DAPK1: variants seen among roughly 807,000 people sequenced by gnomAD.
DAPK1 encodes the protein death-associated protein kinase 1.
Under a neutral mutation model 144.9 loss-of-function variants are expected in DAPK1, and 56 were observed. The ratio of observed to expected loss-of-function variants is 0.39; its 90% CI spans 0.31 to 0.48. The LOEUF (loss-of-function observed/expected upper bound fraction) is 0.48. DAPK1 is among the 20% of genes least tolerant of loss of function. DAPK1 has a pLI of 0.95. For synonymous variants in DAPK1, 690 were observed against 749.0 expected (o/e 0.92, Z 1.29); for missense variants, 1,454 against 1,875.4 (o/e 0.78, Z 4.15).
At chr9:87,626,130 C>T (rs575451863) in intron 3 of DAPK1, among the ~76,000 whole-genome samples, 6 of 152,282 alleles carry the variant, frequency 3.9e-5, no homozygotes, top group African/African-American at 1.4e-4. Flanking sequence ...TAATACCAAG[C>T]AAGGGCCATT....
chr9:87,564,589 A>C, intron 2 of DAPK1, among the ~76,000 whole-genome samples: 1 of 90,692 alleles, frequency 1.1e-5, no homozygotes, highest in East Asian at 3.3e-4. Flanking sequence ...GGAGGGAGGG[A>C]GGGGGAGAGA....
In DAPK1 at chr9:87,640,975, A is replaced by C. The variant is rs971528195; in HGVS notation, c.828+128A>C. 19 of 908,300 alleles carry C rather than the reference A, an allele frequency of 2.1e-5. No individual in the cohort carries two copies. In the East Asian group the frequency reaches 4.6e-4, roughly 22 times the overall value. The allele number at this position is 908,300 out of a possible 1,614,324, so 56.3% of individuals were successfully genotyped here. A position where few individuals can be genotyped will look rare whatever the true frequency, so the allele number is the denominator to read the frequency against. On this transcript the variant is annotated intron_variant, in intron 9 of 25. Coordinates refer to ENST00000408954, the MANE Select transcript of DAPK1 (RefSeq NM_004938.4). ...CTGGAGTGTTAAGTTTGCTATTTGC[A>C]TCGTATCTTAAGAAAAGCTGACAGG... is the stretch of plus-strand genomic sequence containing the variant.
At chr9:87,540,901 C>T (rs1246047463) in intron 2 of DAPK1, among the ~76,000 whole-genome samples, 1 of 152,104 alleles carries the variant, frequency 6.6e-6, no homozygotes, top group Non-Finnish European at 1.5e-5. Context: ...TTCTCTTTCC[C>T]CGAGTTCATC....
intron 25 of DAPK1, among the ~76,000 whole-genome samples, chr9:87,704,872 T>C (rs1412182333): frequency 1.3e-5 from 2 of 152,234 alleles, no homozygotes; most frequent in African/African-American, 4.8e-5. Flanking sequence ...TCCAGGGCGA[T>C]GGCCACTCTC....
At chr9:87,592,888 G>A (rs1463212639) in intron 2 of DAPK1, among the ~76,000 whole-genome samples, 5 of 152,082 alleles carry the variant, frequency 3.3e-5, no homozygotes, top group East Asian at 1.9e-4. Flanking sequence ...GTGACCCTGC[G>A]GTCCCCTCCC....
intron 2 of DAPK1, among the ~76,000 whole-genome samples, chr9:87,511,077 C>A (rs1824822017): frequency 1.3e-5 from 2 of 152,164 alleles, no homozygotes; most frequent in African/African-American, 4.8e-5. Context: ...CTCCCACAGG[C>A]AGAGTGCGGG....
chr9:87,517,278 A>AC (rs1825099003), intron 2 of DAPK1, among the ~76,000 whole-genome samples: 1 of 149,132 alleles, frequency 6.7e-6, no homozygotes, highest in Non-Finnish European at 1.5e-5. Context: ...TATCTGCAGA[A>AC]CCCATCTGCT....
chr9:87,542,573 T>C (rs1826093852), intron 2 of DAPK1, among the ~76,000 whole-genome samples: 1 of 152,110 alleles, frequency 6.6e-6, no homozygotes. Flanking sequence ...GTAAGAGAAA[T>C]CAGTATTTAC....
chr9:87,632,925 TGAA>T, intron 3 of DAPK1: 1 of 861,152 alleles, frequency 1.2e-6, no homozygotes, highest in Non-Finnish European at 1.4e-6. Flanking sequence ...TATATATAAA[TGAA>T]GGGTGATCAG....
chr9:87,581,138 C>A (rs1827741215), intron 2 of DAPK1, among the ~76,000 whole-genome samples: 1 of 152,196 alleles, frequency 6.6e-6, no homozygotes, highest in Non-Finnish European at 1.5e-5. Flanking sequence ...GTTGCACACT[C>A]TTTCCCTAGC....
At chr9:87,678,027 G>A (rs564183270) in intron 19 of DAPK1, among the ~76,000 whole-genome samples, 1 of 152,266 alleles carries the variant, frequency 6.6e-6, no homozygotes, top group African/African-American at 2.4e-5. Context: ...AATCAGTCAG[G>A]GACATTGCTA....
At chr9:87,693,068 T>C (rs939825509) in intron 21 of DAPK1, among the ~76,000 whole-genome samples, 1 of 149,700 alleles carries the variant, frequency 6.7e-6, no homozygotes, top group Non-Finnish European at 1.5e-5. Flanking sequence ...CTTTTTTCGA[T>C]TGTATCTGTT....
At chr9:87,524,827 G>A (rs1825429937) in intron 2 of DAPK1, among the ~76,000 whole-genome samples, 1 of 152,284 alleles carries the variant, frequency 6.6e-6, no homozygotes, top group Middle Eastern at 3.4e-3. Flanking sequence ...CTCATAAGAG[G>A]GAGCTAAGCT....
intron 3 of DAPK1, chr9:87,632,839 G>C: frequency 9.3e-6 from 9 of 972,586 alleles, no homozygotes; most frequent in Non-Finnish European, 1.1e-5. Flanking sequence ...TAGGTATGAA[G>C]GATGATGAGT....
At chr9:87,685,555 C>T (rs575839388) in intron 20 of DAPK1, among the ~76,000 whole-genome samples, 1 of 152,272 alleles carries the variant, frequency 6.6e-6, no homozygotes, top group South Asian at 2.1e-4. Context: ...GGGTCACAGC[C>T]CTGACCAGAA....
chr9:87,604,516 G>A (rs1639281808), intron 2 of DAPK1, among the ~76,000 whole-genome samples: 1 of 152,166 alleles, frequency 6.6e-6, no homozygotes, highest in South Asian at 2.1e-4. Flanking sequence ...ATTGGTGCTA[G>A]AAATATGTTG....
chr9:87,598,833 G>A (rs1195441616), intron 2 of DAPK1, among the ~76,000 whole-genome samples: 2 of 152,180 alleles, frequency 1.3e-5, no homozygotes, highest in Non-Finnish European at 2.9e-5. Context: ...CCATCCTTGT[G>A]CCTTGACCTT....
At chr9:87,693,867 T>C (rs1204525967) in intron 21 of DAPK1, among the ~76,000 whole-genome samples, 2 of 152,114 alleles carry the variant, frequency 1.3e-5, no homozygotes, top group East Asian at 1.9e-4. Flanking sequence ...TCTCAGTGGC[T>C]TAGGGTATGG....
At chr9:87,705,510 C>T (rs898593104) in intron 25 of DAPK1, among the ~76,000 whole-genome samples, 9 of 152,304 alleles carry the variant, frequency 5.9e-5, no homozygotes, top group African/African-American at 1.7e-4. Flanking sequence ...GCATGAGTCA[C>T]GGTGCCCAGC....
Sources: gnomAD v4.1 joint callset for allele counts (sites outside exome capture counted in the v4.1 genomes callset) on GRCh38, gnomAD v4.1.1 for gene constraint, MANE v1.5 for transcripts, NCBI Gene and HGNC (gene_info 2026-07-23, HGNC 2026-07-21) for gene names.